The following LRRC4C variants were observed in gnomAD, a reference collection of about 807,000 sequenced individuals.
The protein encoded by LRRC4C is leucine rich repeat containing 4C.
A neutral mutation model predicts 33.6 loss-of-function variants in LRRC4C; 5 were observed. The observed-to-expected ratio is 0.15, with a 90% CI of 0.08 to 0.31. The LOEUF is 0.31. LRRC4C is among the 10% of genes least tolerant of loss of function. The pLI is 1.00. For missense variants in LRRC4C, 560 were observed against 796.7 expected (o/e 0.70, Z 3.58); for synonymous variants, 329 against 302.0 (o/e 1.09, Z -0.93).
chr11:40,561,702 G>A (rs1957556481), intron 3 of LRRC4C, among the ~76,000 whole-genome samples: 2 of 152,106 alleles, frequency 1.3e-5, no homozygotes, highest in South Asian at 2.1e-4. Flanking sequence ...ATGAGCCACC[G>A]CGCCCGGCCC....
intron 1 of LRRC4C, among the ~76,000 whole-genome samples, chr11:40,979,208 C>T (rs1852321122): frequency 6.6e-6 from 1 of 152,138 alleles, no homozygotes; most frequent in Non-Finnish European, 1.5e-5. Flanking sequence ...TATCTTCCCT[C>T]ATAATTACAA....
intron 1 of LRRC4C, among the ~76,000 whole-genome samples, chr11:41,244,558 GA>G (rs1948378928): frequency 6.6e-6 from 1 of 152,174 alleles, no homozygotes; most frequent in Non-Finnish European, 1.5e-5. Flanking sequence ...GATAAAGAAT[GA>G]AGGTGGCAAT....
At chr11:41,403,015 T>C (rs1051768142) in intron 1 of LRRC4C, among the ~76,000 whole-genome samples, 3 of 152,106 alleles carry the variant, frequency 2.0e-5, no homozygotes, top group African/African-American at 7.2e-5. Flanking sequence ...TGCCCCTTAG[T>C]GTTCAACAGC....
intron 3 of LRRC4C, among the ~76,000 whole-genome samples, chr11:40,463,326 G>GTC (rs1952496715): frequency 6.6e-6 from 1 of 151,276 alleles, no homozygotes; most frequent in Non-Finnish European, 1.5e-5. Flanking sequence ...GTGTGTGTGT[G>GTC]TGTGTGTGTG....
chr11:41,318,577 C>G (rs1950863234), intron 1 of LRRC4C, among the ~76,000 whole-genome samples: 1 of 152,202 alleles, frequency 6.6e-6, no homozygotes, highest in African/African-American at 2.4e-5. Flanking sequence ...CTCACCATCC[C>G]TCAACTCTTT....
At chr11:40,486,154 TAA>T (rs11415781) in intron 3 of LRRC4C, among the ~76,000 whole-genome samples, 17 of 133,414 alleles carry the variant, frequency 1.3e-4, no homozygotes, top group Admixed American at 1.5e-4. Context: ...GACAAAAGTT[TAA>T]AAAAAAAAAA....
In LRRC4C at chr11:41,172,038, A is replaced by T. The variant is rs574329397; in HGVS notation, c.-495-238315T>A. Among the ~76,000 whole-genome samples the T allele has an allele frequency of 7.1e-4, 108 of 152,232 alleles. 1 individual carries two copies. The Middle Eastern group carries it at 0.01, about 14-fold the overall frequency. On this transcript the variant is annotated intron_variant, in intron 1 of 6. Coordinates refer to ENST00000528697, the MANE Select transcript of LRRC4C (RefSeq NM_001258419.2). ...CCACAGAGAAGGTAAAAGGCAAATG[A>T]TGATCCAGCAACAGAGACAAGATAG...
chr11:40,405,212 G>A (rs925343627), intron 3 of LRRC4C, among the ~76,000 whole-genome samples: 1 of 151,366 alleles, frequency 6.6e-6, no homozygotes, highest in Non-Finnish European at 1.5e-5. Flanking sequence ...TCTGGGTTAT[G>A]TCACTTAGCA....
intron 3 of LRRC4C, among the ~76,000 whole-genome samples, chr11:40,525,566 A>C (rs940098152): frequency 6.6e-6 from 1 of 152,176 alleles, no homozygotes; most frequent in African/African-American, 2.4e-5. Context: ...AAAAGAAAAA[A>C]ATCTCTATTC....
At chr11:40,577,791 C>T (rs1040335301) in intron 3 of LRRC4C, among the ~76,000 whole-genome samples, 2 of 151,884 alleles carry the variant, frequency 1.3e-5, no homozygotes, top group African/African-American at 4.8e-5. Context: ...CCTTTAAAAC[C>T]CTCCAAGACT....
At chr11:41,350,241 T>A (rs1007457624) in intron 1 of LRRC4C, among the ~76,000 whole-genome samples, 1 of 152,314 alleles carries the variant, frequency 6.6e-6, no homozygotes, top group East Asian at 1.9e-4. Flanking sequence ...TCAGGTGCAG[T>A]GGCTCACGCC....
intron 2 of LRRC4C, among the ~76,000 whole-genome samples, chr11:40,654,101 C>G (rs2088144): frequency 0.38 from 57,390 of 152,030 alleles, 11,912 homozygotes; most frequent in East Asian, 0.61. Context: ...TGTCCAGAGA[C>G]AAGTTTGCTG....
intron 2 of LRRC4C, among the ~76,000 whole-genome samples, chr11:40,760,840 T>C (rs7481802): frequency 6.8e-6 from 1 of 146,736 alleles, no homozygotes; most frequent in Non-Finnish European, 1.5e-5. Flanking sequence ...TATATATATA[T>C]ACACACACAT....
chr11:41,322,375 ATCTT>A (rs1169186311), intron 1 of LRRC4C, among the ~76,000 whole-genome samples: 2 of 151,990 alleles, frequency 1.3e-5, no homozygotes, highest in Non-Finnish European at 2.9e-5. Flanking sequence ...GTAATGTTCT[ATCTT>A]TATTTTTTTT....
intron 1 of LRRC4C, among the ~76,000 whole-genome samples, chr11:41,003,617 T>C (rs1854533986): frequency 6.6e-6 from 1 of 151,890 alleles, no homozygotes; most frequent in Admixed American, 6.6e-5. Context: ...ACTAAATGCA[T>C]AAAGACAGAG....
chr11:40,673,676 T>C (rs1944244339), intron 2 of LRRC4C, among the ~76,000 whole-genome samples: 1 of 152,160 alleles, frequency 6.6e-6, no homozygotes, highest in South Asian at 2.1e-4. Flanking sequence ...ACAAGTCCAA[T>C]ATATAAAGGA....
intron 1 of LRRC4C, among the ~76,000 whole-genome samples, chr11:41,352,231 A>G (rs2939767): frequency 0.44 from 67,000 of 152,014 alleles, 15,167 homozygotes; most frequent in Non-Finnish European, 0.49. Context: ...GACAAAATAG[A>G]CCAAAAATTT....
In LRRC4C at chr11:40,319,647, C is replaced by T. The variant is rs1945744381; in HGVS notation, c.-195G>A. ...ACTTACCTTAGTAAAATTTCTCCAA[C>T]AGGTATTGATCTTCCTGAGAAAACT... On this transcript the variant is annotated 5_prime_UTR_variant, in exon 4 of 7. Transcript: ENST00000528697. 1 of 152,136 alleles carries T rather than the reference C, an allele frequency of 6.6e-6. No homozygotes were observed. Among genetic ancestry groups the T allele is most frequent in the Non-Finnish European group, 1.5e-5 (1 of 68,034 alleles). The allele number at this position is 152,136 out of a possible 1,614,324, so 9.4% of individuals were successfully genotyped here.
intron 5 of LRRC4C, among the ~76,000 whole-genome samples, chr11:40,182,317 C>A (rs938479718): frequency 1.3e-5 from 2 of 152,082 alleles, no homozygotes; most frequent in African/African-American, 2.4e-5. Context: ...GGCCTAAACT[C>A]CCAGATATAA....
Sources: allele counts gnomAD v4.1 joint callset (sites outside exome capture counted in the v4.1 genomes callset), GRCh38; gene constraint gnomAD v4.1.1; transcripts MANE v1.5; gene names NCBI Gene and HGNC (gene_info 2026-07-23, HGNC 2026-07-21).